TTC21A: variants seen among roughly 807,000 people sequenced by gnomAD.
TTC21A encodes tetratricopeptide repeat protein 21A.
In TTC21A, 128 loss-of-function variants were observed where a neutral mutation model predicts 156.4. The ratio of observed to expected loss-of-function variants is 0.82; its 90% CI spans 0.71 to 0.95. TTC21A has a LOEUF of 0.95. Ranked by LOEUF, TTC21A falls within the 40% of genes least tolerant of loss-of-function variation. The pLI, the probability that TTC21A is intolerant of heterozygous loss-of-function variation, is 0.00. For synonymous variants in TTC21A, 587 were observed against 617.1 expected (o/e 0.95, Z 0.72); for missense variants, 1,435 against 1,602.3 (o/e 0.90, Z 1.78).
chr3:39,128,208 C>A, intron 12 of TTC21A, 123 bp from the exon 13 acceptor site: 1 of 1,165,024 alleles, frequency 8.6e-7, no homozygotes, highest in Non-Finnish European at 1.2e-6. Context: ...ACAAAACTGG[C>A]TAAAATACTC....
Position 39,129,267 on chromosome 3 carries a change from C to T in TTC21A, c.2092C>T (p.Leu698=). 6.2e-7 allele frequency: 1 copy of T among 1,614,254 alleles called. No homozygotes were observed. The highest frequency in any genetic ancestry group is 1.3e-5 in the African/African-American group (1 of 75,072). The change falls in exon 15 of 29, where the codon CTG becomes TTG. Residue 698 remains leucine, a synonymous_variant. Transcript: ENST00000683103. The part of the protein sequence containing the change: ...EAREKMANIY[L]QTLRDRRLYI... ...CAGAGAGAAGATGGCCAACATCTAC[C>T]TGCAGACCCTCAGAGACAGGCGCCT...
chr3:39,131,872 C>T (rs1261492432), intron 19 of TTC21A, among the ~76,000 whole-genome samples: 1 of 152,210 alleles, frequency 6.6e-6, no homozygotes, highest in Non-Finnish European at 1.5e-5. Context: ...AATCACCTCT[C>T]AAAGGCCCTA....
At chr3:39,120,564 G>T (rs1345497185) in intron 8 of TTC21A, among the ~76,000 whole-genome samples, 1 of 152,204 alleles carries the variant, frequency 6.6e-6, no homozygotes. Context: ...GGGACCCCAG[G>T]AACCAGAACT....
At chr3:39,120,088 C>G in intron 8 of TTC21A, 68 bp downstream of exon 8, 1 of 1,210,900 alleles carries the variant, frequency 8.3e-7, no homozygotes, top group Non-Finnish European at 1.2e-6. Flanking sequence ...GAACTGTGCT[C>G]CCCCAGGAAG....
chr3:39,120,992 T>C lies in TTC21A; in HGVS notation c.901-5T>C. 1 of 1,593,132 alleles carries C rather than the reference T, an allele frequency of 6.3e-7. No homozygotes were observed. The highest frequency in any genetic ancestry group is 8.6e-7 in the Non-Finnish European group (1 of 1,167,392). ...TCCCAATTCCCACCTTCCTGTTTCT[T>C]GCAGTGTGGGAGTCACCAGGTGATT... is the stretch of plus-strand genomic sequence containing the variant. On this transcript the variant is annotated splice_region_variant and splice_polypyrimidine_tract_variant and intron_variant, in intron 8 of 28. Transcript: ENST00000683103.
At chr3:39,114,531 A>G (rs2037112530) in intron 5 of TTC21A, 54 bp from the exon 6 acceptor site, 1 of 1,583,542 alleles carries the variant, frequency 6.3e-7, no homozygotes, top group Admixed American at 1.7e-5. Flanking sequence ...CCTCCAGCAA[A>G]CTCCCTTCAT....
chr3:39,130,596 T>C lies in TTC21A; in HGVS notation c.2320-105T>C, dbSNP rs2038649861. ...AGGAGTGCCTTTTCACTTTAGGCTA[T>C]GTTCTGGAGGGGCACACTGGTGTGA... is the stretch of plus-strand genomic sequence containing the variant. On this transcript the variant is annotated intron_variant, in intron 17 of 28. Coordinates refer to ENST00000683103, the MANE Select transcript of TTC21A (RefSeq NM_001366900.1). This position sits in a 1 kb window ranked among gnomAD's most constrained non-coding sequence, Gnocchi z 4.5. The C allele has an allele frequency of 1.4e-6, 2 of 1,436,990 alleles. No individual in the cohort carries two copies. Among genetic ancestry groups the C allele is most frequent in the Non-Finnish European group, 1.9e-6 (2 of 1,046,270 alleles). 89.0% of individuals were successfully genotyped at this position (1,436,990 alleles called of 1,614,324 possible). A position where few individuals can be genotyped will look rare whatever the true frequency, so the allele number is the denominator to read the frequency against.
chr3:39,114,725 A>C lies in TTC21A; in HGVS notation c.699A>C (p.Thr233=). 6.2e-7 allele frequency: 1 copy of C among 1,614,248 alleles called. No individual in the cohort carries two copies. ...TAGCTCGGCAGGACTGGGAGCAGAC[A>C]GTAGAAATGGGACACAGGTGAGCTA... ...LFLARQDWEQ[T]VEMGHRILEK... Residue 233 remains threonine (T), a synonymous_variant, in exon 6 of 29, where the codon ACA becomes ACC. Coordinates refer to ENST00000683103, the MANE Select transcript of TTC21A (RefSeq NM_001366900.1).
Position 39,130,708 on chromosome 3 carries a change from A to G in TTC21A, c.2327A>G (p.Glu776Gly), listed in dbSNP as rs755557395. ...TTTACTGTTTGCACTAAGGCAATTG[A>G]GTATTATGAGGCTGCCCAGAAGATT... ...VKAHQYTEAI[E>G]YYEAAQKING... The change falls in exon 18 of 29, where the codon GAG (glutamate) becomes GGG (glycine). Residue 776 changes from glutamate to glycine, a missense_variant. Coordinates refer to ENST00000683103, the MANE Select transcript of TTC21A (RefSeq NM_001366900.1). The surrounding 1 kb of genome is among the most constrained non-coding windows in gnomAD (Gnocchi z 4.5). The G allele has an allele frequency of 3.1e-6, 5 of 1,614,166 alleles. No homozygotes were observed. The highest frequency in any genetic ancestry group is 4.2e-6 in the Non-Finnish European group (5 of 1,180,018).
chr3:39,132,917 A>G (rs1267849765), intron 19 of TTC21A, 135 bp from the exon 20 acceptor site: 1 of 931,544 alleles, frequency 1.1e-6, no homozygotes, highest in Non-Finnish European at 1.6e-6. Context: ...GCCTATTCAG[A>G]GTGACCCAAA....
chr3:39,134,923 C>T lies in TTC21A; in HGVS notation c.2863-170C>T, dbSNP rs1400493098. The T allele has an allele frequency of 6.4e-6, 4 of 627,858 alleles. No individual in the cohort carries two copies. In the Admixed American group the frequency reaches 8.1e-5, roughly 13 times the overall value. The allele number at this position is 627,858 out of a possible 1,614,324, so 38.9% of individuals were successfully genotyped here. A position where few individuals can be genotyped will look rare whatever the true frequency, so the allele number is the denominator to read the frequency against. On this transcript the variant is annotated intron_variant, in intron 21 of 28. Transcript: ENST00000683103. The surrounding 1 kb of genome is among the most constrained non-coding windows in gnomAD (Gnocchi z 4.6). The stretch of plus-strand genomic sequence containing the variant: ...ACCTTCTGGGTGGGGGCCTGAGAAA[C>T]CCTCAGGCTTCTCCTGTGGCAGCTT...
rs1417503121 is a variant in TTC21A at position 39,110,095 on chromosome 3, C to T, written c.224C>T (p.Ser75Phe). 10 of 1,614,044 alleles carry T rather than the reference C, an allele frequency of 6.2e-6. No homozygotes were observed. Among genetic ancestry groups the T allele is most frequent in the Non-Finnish European group, 8.5e-6 (10 of 1,180,034 alleles). The part of the protein sequence containing the change: ...IRHHPDVSLC[S>F]TMALIYAHKR... The stretch of plus-strand genomic sequence containing the variant: ...CATCACCCAGACGTGTCCCTGTGCT[C>T]CACCATGGCCCTCATTTATGCTCAC... The change falls in exon 3 of 29, where the codon TCC becomes TTC. Residue 75 changes from serine (S) to phenylalanine (F), a missense_variant. Coordinates refer to ENST00000683103, the MANE Select transcript of TTC21A (RefSeq NM_001366900.1).
At chr3:39,126,125 CTAGGTG>C in intron 11 of TTC21A, 130 bp from the exon 12 acceptor site, 1 of 1,098,428 alleles carries the variant, frequency 9.1e-7, no homozygotes, top group Non-Finnish European at 1.3e-6. Flanking sequence ...GCTCTAAGCA[CTAGGTG>C]ATACAGAGGA....
intron 22 of TTC21A, 52 bp from the exon 23 acceptor site, chr3:39,136,305 T>G (rs371495576): frequency 1.9e-5 from 30 of 1,574,220 alleles, no homozygotes; most frequent in Non-Finnish European, 2.5e-5. Context: ...CACCCTCATC[T>G]GATAACAGCT....
Position 39,131,114 on chromosome 3 carries a change from CAA to C in TTC21A, c.2562+20_2562+21del, listed in dbSNP as rs775674637. ...GAACAAGGTAATTGACAGGTGGACT[CAA>C]GCTCTTTATCTGCCATCTGCTGATG... On this transcript the variant is annotated intron_variant, in intron 19 of 28. Transcript: ENST00000683103. 6.3e-6 allele frequency: 10 copies of C among 1,589,598 alleles called. No individual in the cohort carries two copies. The highest frequency in any genetic ancestry group is 1.7e-5 in the Admixed American group (1 of 59,640).
At position 39,114,648 on chromosome 3, in the gene TTC21A, G is replaced by A. The variant is rs201208359; in HGVS notation, c.622G>A (p.Val208Met). ...EALEVVNQITVTSGSFLPALV... is the reference protein window; with the variant it reads ...EALEVVNQITMTSGSFLPALV... ...CCTGGAGGTGGTGAACCAGATCACTGTGACTTCAGGGAGCTTCCTGCCAGC... is the reference window on the plus strand; with the variant it reads ...CCTGGAGGTGGTGAACCAGATCACTATGACTTCAGGGAGCTTCCTGCCAGC... Residue 208 changes from valine to methionine, a missense_variant, in exon 6 of 29, where the codon GTG becomes ATG. By Grantham distance (21) the Val-to-Met change is conservative. Coordinates refer to ENST00000683103, the MANE Select transcript of TTC21A (RefSeq NM_001366900.1). 11 of 1,614,228 alleles carry A rather than the reference G, an allele frequency of 6.8e-6. No homozygotes were observed. The African/African-American group carries it at 1.3e-4, about 20-fold the overall frequency.
rs1163429902 is a variant in TTC21A at position 39,125,367 on chromosome 3, G to A, written c.1227G>A (p.Arg409=). 6.2e-7 allele frequency: 1 copy of A among 1,614,186 alleles called. No homozygotes were observed. The highest frequency in any genetic ancestry group is 2.2e-5 in the East Asian group (1 of 44,884). The change falls in exon 11 of 29, where the codon AGG becomes AGA. Residue 409 remains arginine, a synonymous_variant. Coordinates refer to ENST00000683103, the MANE Select transcript of TTC21A (RefSeq NM_001366900.1). The part of the protein sequence containing the change: ...LIFLQALLMS[R]KHKGEEETTA... Reference sequence around the variant, plus strand: ...TCCTCCAAGCCCTCCTGATGTCCAGGAAGCACAAGGGGGAGGAAGAGACCA... The same window carrying A: ...TCCTCCAAGCCCTCCTGATGTCCAGAAAGCACAAGGGGGAGGAAGAGACCA...
Position 39,129,265 on chromosome 3 carries a change from A to G in TTC21A, c.2090A>G (p.Tyr697Cys). ...MEAREKMANI[Y>C]LQTLRDRRLY... Reference sequence around the variant, plus strand: ...GCCAGAGAGAAGATGGCCAACATCTACCTGCAGACCCTCAGAGACAGGCGC... The same window carrying G: ...GCCAGAGAGAAGATGGCCAACATCTGCCTGCAGACCCTCAGAGACAGGCGC... Residue 697 changes from tyrosine to cysteine, a missense_variant, in exon 15 of 29, where the codon TAC becomes TGC. By Grantham distance (194) the Tyr-to-Cys change is radical. Coordinates refer to ENST00000683103, the MANE Select transcript of TTC21A (RefSeq NM_001366900.1). 1 of 1,614,204 alleles carries G rather than the reference A, an allele frequency of 6.2e-7. No individual in the cohort carries two copies.
At position 39,120,968 on chromosome 3, in the gene TTC21A, C is replaced by T. The variant is rs142337677; in HGVS notation, c.901-29C>T. ...TCATACAGGCTGGACTGACTGGTTT[C>T]CCAATTCCCACCTTCCTGTTTCTTG... On this transcript the variant is annotated intron_variant, in intron 8 of 28. Transcript: ENST00000683103. The T allele has an allele frequency of 2.9e-5, 45 of 1,570,502 alleles. No homozygotes were observed. In the East Asian group the frequency reaches 9.1e-4, roughly 32 times the overall value.
Sources: gnomAD v4.1 joint callset for allele counts (sites outside exome capture counted in the v4.1 genomes callset) on GRCh38, gnomAD v4.1.1 for gene constraint, Gnocchi (gnomAD v3.1) non-coding constraint, MANE v1.5 for transcripts, NCBI Gene and HGNC (gene_info 2026-07-23, HGNC 2026-07-21) for gene names.